The following DHRS2 variants were observed in gnomAD, a reference collection of about 807,000 sequenced individuals.
The protein encoded by DHRS2 is dehydrogenase/reductase SDR family member 2, mitochondrial.
In DHRS2, 29 loss-of-function variants were observed where a neutral mutation model predicts 26.3. The ratio of observed to expected loss-of-function variants is 1.10; its 90% CI spans 0.82 to 1.50. The LOEUF (loss-of-function observed/expected upper bound fraction) is 1.50, where lower values mean the gene tolerates loss of function less well. DHRS2 is among the 40% of genes most tolerant of loss of function. The probability of loss-of-function intolerance (pLI) is 0.00; values close to 1 mark genes in which losing one functional copy is unlikely to be tolerated. For synonymous variants in DHRS2, 164 were observed against 151.3 expected, an observed-to-expected ratio of 1.08 and a Z score of -0.62; for missense variants, 439 against 367.1, an observed-to-expected ratio of 1.20 and a Z score of -1.60.
intron 4 of DHRS2, chr14:23,642,272 T>C: frequency 1.8e-6 from 1 of 546,040 alleles, no homozygotes; most frequent in Non-Finnish European, 2.3e-6. Flanking sequence ...AAATGCTCAG[T>C]CCTTATCACA....
chr14:23,640,821 C>A (rs958988935), intron 4 of DHRS2: 2 of 152,284 alleles, frequency 1.3e-5, no homozygotes, highest in African/African-American at 4.8e-5. Context: ...GCAGCCCCTG[C>A]TGAGCAGCTT....
intron 3 of DHRS2, 61 bp downstream of exon 3, chr14:23,639,417 G>C: frequency 6.7e-7 from 1 of 1,493,734 alleles, no homozygotes; most frequent in Non-Finnish European, 8.9e-7. Flanking sequence ...TTCCTTCACT[G>C]CTTGGCCCTT....
chr14:23,639,055 C>T, intron 2 of DHRS2, 51 bp downstream of exon 2: 1 of 1,600,290 alleles, frequency 6.2e-7, no homozygotes, highest in Non-Finnish European at 8.5e-7. Flanking sequence ...GTCCTTGTGG[C>T]TTCCACAAGG....
At chr14:23,631,462 T>A (rs1046145180), upstream of DHRS2, among the ~76,000 whole-genome samples, 4 of 152,158 alleles carry the variant, frequency 2.6e-5, no homozygotes, top group Admixed American at 2.6e-4. Flanking sequence ...ATTTCCTGTT[T>A]ACATTATTCT....
intron 6 of DHRS2, 97 bp downstream of exon 6, chr14:23,644,259 C>G (rs971908903): frequency 6.4e-7 from 1 of 1,557,888 alleles, no homozygotes; most frequent in African/African-American, 1.4e-5. Flanking sequence ...TGGGACAGAC[C>G]CCCACCATCC....
At position 23,645,272 on chromosome 14, in the gene DHRS2, C is replaced by A. The variant is rs370916025; in HGVS notation, c.*19C>A. 3 of 1,613,760 alleles carry A rather than the reference C, an allele frequency of 1.9e-6. No individual in the cohort carries two copies. Among genetic ancestry groups the A allele is most frequent in the East Asian group, 4.5e-5 (2 of 44,880 alleles). On this transcript the variant is annotated 3_prime_UTR_variant, in exon 9 of 9. Coordinates refer to ENST00000250383, the MANE Select transcript of DHRS2 (RefSeq NM_005794.4). ...GCTCTGAGAGGAGTGGGGGCGGCTG[C>A]GTAGCTGTGGTCCCAGGCCCAGGAG...
chr14:23,639,369 G>A lies in DHRS2; in HGVS notation c.318+13G>A, dbSNP rs1175166155. ...GCTGGTGGCCAAGGTGAGGGGGCAGGCGGTGGAAGGACACAGAGAGGGGAA... is the reference window on the plus strand; with the variant it reads ...GCTGGTGGCCAAGGTGAGGGGGCAGACGGTGGAAGGACACAGAGAGGGGAA... On this transcript the variant is annotated intron_variant, in intron 3 of 8. Transcript: ENST00000250383. 2 of 1,554,718 alleles carry A rather than the reference G, an allele frequency of 1.3e-6. No homozygotes were observed. Among genetic ancestry groups the A allele is most frequent in the Admixed American group, 2.0e-5 (1 of 50,868 alleles).
rs192649432 is a variant in DHRS2 at position 23,639,425 on chromosome 14, C to T, written c.318+69C>T. The stretch of plus-strand genomic sequence containing the variant: ...AGAACCTTTCCTTCACTGCTTGGCC[C>T]TTGTGGGGTGGGTCTAGAATATGTC... On this transcript the variant is annotated intron_variant, in intron 3 of 8. Coordinates refer to ENST00000250383, the MANE Select transcript of DHRS2 (RefSeq NM_005794.4). The T allele has an allele frequency of 1.3e-4, 194 of 1,477,940 alleles. 1 individual carries two copies. The African/African-American group carries it at 2.5e-3, about 19-fold the overall frequency. The allele number at this position is 1,477,940 out of a possible 1,614,324, so 91.6% of individuals were successfully genotyped here. A position where few individuals can be genotyped will look rare whatever the true frequency, so the allele number is the denominator to read the frequency against.
At position 23,640,702 on chromosome 14, in the gene DHRS2, G is replaced by C. The variant is rs112716690; in HGVS notation, c.420+807G>C. ...GAGTGTTCTGCCTTCCCTAGATCCT[G>C]CACTCTCACTTGCCAACATCATCTT... On this transcript the variant is annotated intron_variant, in intron 4 of 8. Transcript: ENST00000250383. 6.0e-3 allele frequency: 917 copies of C among 153,250 alleles called. 15 individuals are homozygous for C. Among genetic ancestry groups the C allele is most frequent in the African/African-American group, 0.021 (877 of 41,580 alleles). 9.5% of individuals were successfully genotyped at this position (153,250 alleles called of 1,614,324 possible).
chr14:23,637,395 C>T (rs989088163), intron 1 of DHRS2, among the ~76,000 whole-genome samples: 1 of 152,192 alleles, frequency 6.6e-6, no homozygotes, highest in African/African-American at 2.4e-5. Context: ...TAGAATCCCT[C>T]CTCAGATAAG....
chr14:23,639,493 T>C (rs1057190056), intron 3 of DHRS2, 137 bp downstream of exon 3: 2 of 1,278,676 alleles, frequency 1.6e-6, no homozygotes, highest in Non-Finnish European at 2.1e-6. Flanking sequence ...CTAACCTCGC[T>C]ACCCAGAAGG....
rs774284809 is a variant in DHRS2, at chr14:23,639,303, G to A, written c.265G>A (p.Gly89Ser). 2 of 1,596,526 alleles carry A rather than the reference G, an allele frequency of 1.3e-6. No homozygotes were observed. The highest frequency in any genetic ancestry group is 2.2e-5 in the East Asian group (1 of 44,794). The stretch of plus-strand genomic sequence containing the variant: ...GCAGGGGGAGGGGCTGAGTGTGGCG[G>A]GCATTGTGTGCCACGTGGGGAAGGC... ...KLQGEGLSVA[G>S]IVCHVGKAED... is the part of the protein sequence containing the mutation. The change falls in exon 3 of 9, where the codon GGC becomes AGC. Residue 89 changes from glycine to serine, a missense_variant. By Grantham distance (56) the Gly-to-Ser change is moderately conservative (BLOSUM62 0). Transcript: ENST00000250383.
At chr14:23,640,491 A>C (rs1387314198) in intron 4 of DHRS2, 1 of 965,348 alleles carries the variant, frequency 1.0e-6, no homozygotes, top group Non-Finnish European at 1.2e-6. Context: ...GACCTTGTAA[A>C]ATGCCTTGAA....
At position 23,645,127 on chromosome 14, in the gene DHRS2, C is replaced by T; in HGVS notation, c.732-15C>T. 1.9e-6 allele frequency: 3 copies of T among 1,613,982 alleles called. No homozygotes were observed. Among genetic ancestry groups the T allele is most frequent in the Non-Finnish European group, 2.5e-6 (3 of 1,179,884 alleles). On this transcript the variant is annotated splice_polypyrimidine_tract_variant and intron_variant, in intron 8 of 8. Coordinates refer to ENST00000250383, the MANE Select transcript of DHRS2 (RefSeq NM_005794.4). ...GAGTACAAGATGCTTGACACTGTGTCCTTCTTCCATCCAGGATTGGGGAGT... is the reference window on the plus strand; with the variant it reads ...GAGTACAAGATGCTTGACACTGTGTTCTTCTTCCATCCAGGATTGGGGAGT...
At chr14:23,636,080 T>C (rs1890267310), upstream of DHRS2, among the ~76,000 whole-genome samples, 1 of 152,184 alleles carries the variant, frequency 6.6e-6, no homozygotes, top group Non-Finnish European at 1.5e-5. Flanking sequence ...GGTTTGTAAA[T>C]GCACCAATCA....
intron 1 of DHRS2, chr14:23,638,128 C>G (rs1322384263): frequency 6.5e-6 from 1 of 152,676 alleles, no homozygotes. Context: ...ACCACAAACC[C>G]TCCAGAAGGA....
Position 23,645,417 on chromosome 14 carries a change from T to C in DHRS2, c.*164T>C. On this transcript the variant is annotated 3_prime_UTR_variant, in exon 9 of 9. Transcript: ENST00000250383. The stretch of plus-strand genomic sequence containing the variant: ...AGGAAGAAGAAAAACGCTTCGGCAT[T>C]CTCCTTAGGACTTATCTGCTTGTAG... 1 of 1,429,394 alleles carries C rather than the reference T, an allele frequency of 7.0e-7. No individual in the cohort carries two copies. Among genetic ancestry groups the C allele is most frequent in the East Asian group, 2.3e-5 (1 of 43,614 alleles). The allele number at this position is 1,429,394 out of a possible 1,614,324, so 88.5% of individuals were successfully genotyped here. A position where few individuals can be genotyped will look rare whatever the true frequency, so the allele number is the denominator to read the frequency against.
chr14:23,638,717 C>G (rs1471227832), intron 1 of DHRS2, 110 bp from the exon 2 acceptor site: 2 of 1,190,824 alleles, frequency 1.7e-6, no homozygotes, highest in Non-Finnish European at 2.4e-6. Flanking sequence ...CAGCCTGACT[C>G]TCTGCCACTT....
rs1249025843 is a variant in DHRS2 at position 23,639,840 on chromosome 14, G to A, written c.365G>A (p.Gly122Glu). ...GGVDFLVCSAGVNPLVGSTLG... is the reference protein window; with the variant it reads ...GGVDFLVCSAEVNPLVGSTLG... ...GTCGACTTCCTGGTGTGCAGCGCAGGGGTCAACCCTCTGGTAGGGAGCACT... is the reference window on the plus strand; with the variant it reads ...GTCGACTTCCTGGTGTGCAGCGCAGAGGTCAACCCTCTGGTAGGGAGCACT... The change falls in exon 4 of 9, where the codon GGG becomes GAG. Residue 122 changes from glycine to glutamate, a missense_variant. By Grantham distance (98) the Gly-to-Glu change is moderately conservative. Coordinates refer to ENST00000250383, the MANE Select transcript of DHRS2 (RefSeq NM_005794.4). The A allele has an allele frequency of 1.2e-6, 2 of 1,610,256 alleles. No individual in the cohort carries two copies. Among genetic ancestry groups the A allele is most frequent in the Non-Finnish European group, 1.7e-6 (2 of 1,178,048 alleles).
Sources: gnomAD v4.1 joint callset for allele counts (sites outside exome capture counted in the v4.1 genomes callset) on GRCh38, gnomAD v4.1.1 for gene constraint, MANE v1.5 for transcripts, NCBI Gene and HGNC (gene_info 2026-07-23, HGNC 2026-07-21) for gene names.